The following MYO18B variants were observed in gnomAD, a reference collection of about 807,000 sequenced individuals.
The protein encoded by MYO18B is myosin XVIIIB, also known as unconventional myosin-XVIIIb.
In MYO18B, 204 loss-of-function variants were observed where a neutral mutation model predicts 273.0. The observed-to-expected ratio is 0.75, with a 90% CI of 0.67 to 0.84. The LOEUF (loss-of-function observed/expected upper bound fraction) is 0.84, where lower values mean the gene tolerates loss of function less well. Ranked by LOEUF, MYO18B falls within the 40% of genes least tolerant of loss-of-function variation. The pLI is 0.00. For missense variants in MYO18B, 3,212 were observed against 3,287.6 expected (o/e 0.98, Z 0.56); for synonymous variants, 1,330 against 1,305.7 (o/e 1.02, Z -0.40).
At chr22:25,839,925 C>T (rs914256178) in intron 17 of MYO18B, among the ~76,000 whole-genome samples, 28 of 152,286 alleles carry the variant, frequency 1.8e-4, no homozygotes, top group South Asian at 2.1e-4. Context: ...TGGGCTGTGG[C>T]GAGGATGGAG....
intron 36 of MYO18B, among the ~76,000 whole-genome samples, chr22:25,949,545 T>C (rs2092767398): frequency 6.6e-6 from 1 of 152,224 alleles, no homozygotes; most frequent in Non-Finnish European, 1.5e-5. Flanking sequence ...GTAAAATACC[T>C]GCCACGCTCT....
rs12158464 is a variant in MYO18B, at chr22:26,000,988, G to T, written c.6288-2277G>T. 3.9e-3 allele frequency among the ~76,000 whole-genome samples: 588 copies of T among 152,242 alleles called. 5 individuals carry two copies. The highest frequency in any genetic ancestry group is 0.013 in the African/African-American group (560 of 41,548). ...TCTTTTTTATTTGTCCTTGTGGCTA[G>T]TTCTTTTCCAGATCAGAAGCTTAGG... On this transcript the variant is annotated intron_variant, in intron 40 of 43. Transcript: ENST00000335473.
chr22:25,768,870 G>A lies in MYO18B; in HGVS notation c.954G>A (p.Trp318Ter). ...GGCCCCAAATCCCTGGGAGAAAGTG[G>A]GGAGGTTTCCTGGGAAGAAGGAGTA... ...HVRPQIPGRK[W>*]GGFLGRRSKW... Residue 318 changes from tryptophan to a stop codon, truncating the protein, a stop_gained, in exon 4 of 44, where the codon TGG becomes TGA. Coordinates refer to ENST00000335473, the MANE Select transcript of MYO18B (RefSeq NM_032608.7). LOFTEE classifies it high-confidence loss of function. The A allele has an allele frequency of 6.2e-7, 1 of 1,613,132 alleles. No homozygotes were observed. The highest frequency in any genetic ancestry group is 8.5e-7 in the Non-Finnish European group (1 of 1,179,536).
intron 29 of MYO18B, 102 bp from the exon 30 acceptor site, chr22:25,902,511 T>C (rs887794974): frequency 3.8e-6 from 5 of 1,325,968 alleles, no homozygotes; most frequent in African/African-American, 1.5e-5. Flanking sequence ...TAATGGTTCT[T>C]GGGAAACTAG....
At chr22:25,863,134 C>T (rs554392631) in intron 21 of MYO18B, among the ~76,000 whole-genome samples, 10 of 152,252 alleles carry the variant, frequency 6.6e-5, no homozygotes, top group Admixed American at 6.5e-4. Context: ...AGTTAATTTA[C>T]TTTTCAAATG....
intron 39 of MYO18B, among the ~76,000 whole-genome samples, chr22:25,990,814 G>A (rs377513251): frequency 6.7e-6 from 1 of 149,042 alleles, no homozygotes; most frequent in Non-Finnish European, 1.5e-5. Context: ...GCTGGGAATT[G>A]CGCTTTGACC....
the MYO18B span, among the ~76,000 whole-genome samples, chr22:26,045,074 GT>G: frequency 0.03 from 4,460 of 147,312 alleles, 203 homozygotes; most frequent in African/African-American, 0.1. Flanking sequence ...TTGGTTTTTG[GT>G]TTTTTTTTTG....
intron 21 of MYO18B, among the ~76,000 whole-genome samples, chr22:25,852,125 A>G (rs996653358): frequency 6.6e-6 from 1 of 152,310 alleles, no homozygotes; most frequent in African/African-American, 2.4e-5. Flanking sequence ...CAAAATGTTT[A>G]GGAAATATTT....
chr22:25,872,863 C>T (rs927703199), intron 22 of MYO18B, among the ~76,000 whole-genome samples: 6 of 152,140 alleles, frequency 3.9e-5, no homozygotes, highest in Non-Finnish European at 5.9e-5. Flanking sequence ...CCAGTGTCTC[C>T]AGATAACCGC....
At chr22:25,905,668 T>C (rs936539608) in intron 31 of MYO18B, among the ~76,000 whole-genome samples, 1 of 152,194 alleles carries the variant, frequency 6.6e-6, no homozygotes, top group Non-Finnish European at 1.5e-5. Context: ...GGAGCTGTAA[T>C]ACGGGGTCTT....
intron 25 of MYO18B, among the ~76,000 whole-genome samples, chr22:25,882,862 A>T (rs899392250): frequency 1.3e-5 from 2 of 152,244 alleles, no homozygotes; most frequent in South Asian, 4.2e-4. Flanking sequence ...CCTTATATTC[A>T]TGAGGTCATT....
intron 1 of MYO18B, among the ~76,000 whole-genome samples, chr22:25,744,642 G>A (rs2085724071): frequency 6.6e-6 from 1 of 152,174 alleles, no homozygotes; most frequent in African/African-American, 2.4e-5. Flanking sequence ...GCTGAGGCAG[G>A]AGAATGGCAT....
At chr22:25,960,340 T>A (rs2092904627) in intron 39 of MYO18B, among the ~76,000 whole-genome samples, 1 of 152,144 alleles carries the variant, frequency 6.6e-6, no homozygotes, top group Non-Finnish European at 1.5e-5. Context: ...ACCACCCTGG[T>A]CCCAAGACTG....
At chr22:25,898,077 C>T (rs1441458730) in intron 28 of MYO18B, 1 of 511,314 alleles carries the variant, frequency 2.0e-6, no homozygotes, top group Non-Finnish European at 3.4e-6. Context: ...TAAAATCAAC[C>T]TTAAGAGATT....
At chr22:25,755,204 T>C (rs1296911475) in intron 1 of MYO18B, among the ~76,000 whole-genome samples, 1 of 151,900 alleles carries the variant, frequency 6.6e-6, no homozygotes. Context: ...TTAAATTAAA[T>C]TTTATTTTAT....
rs760678784 is a variant in MYO18B, at chr22:25,828,861, G to A, written c.2872G>A (p.Asp958Asn). 20 of 1,613,944 alleles carry A rather than the reference G, an allele frequency of 1.2e-5. No homozygotes were observed. The highest frequency in any genetic ancestry group is 1.7e-5 in the Non-Finnish European group (20 of 1,179,894). Residue 958 changes from aspartate (D) to asparagine (N), a missense_variant, in exon 15 of 44, where the codon GAC becomes AAC. Transcript: ENST00000335473. ...GFQNPRHQGK[D>N]RAATFEELCH... ...CCAGAACCCCCGGCACCAGGGCAAGGACCGGGCGGCCACCTTTGAGGAGCT... is the reference window on the plus strand; with the variant it reads ...CCAGAACCCCCGGCACCAGGGCAAGAACCGGGCGGCCACCTTTGAGGAGCT...
intron 20 of MYO18B, among the ~76,000 whole-genome samples, chr22:25,850,367 C>T (rs920822280): frequency 1.1e-4 from 17 of 152,048 alleles, no homozygotes; most frequent in African/African-American, 2.9e-4. Context: ...GGCTACTCTC[C>T]GCTGCCTGGG....
In MYO18B at chr22:25,997,302, C is replaced by T. The variant is rs1210726144; in HGVS notation, c.6287+4809C>T. Among the ~76,000 whole-genome samples, 5 of 23,484 alleles carry T rather than the reference C, an allele frequency of 2.1e-4. No homozygotes were observed. The African/African-American group carries it at 2.8e-3, about 13-fold the overall frequency. The allele number at this position is 23,484 out of a possible 152,430, so 15.4% of individuals were successfully genotyped here. Reference sequence around the variant, plus strand: ...CCTGGGCAACAGAGTGAAACTCTGTCGCCAAAAAAAAAAAAAAAAAAAAAA... The same window carrying T: ...CCTGGGCAACAGAGTGAAACTCTGTTGCCAAAAAAAAAAAAAAAAAAAAAA... On this transcript the variant is annotated intron_variant, in intron 40 of 43. Coordinates refer to ENST00000335473, the MANE Select transcript of MYO18B (RefSeq NM_032608.7).
intron 40 of MYO18B, among the ~76,000 whole-genome samples, chr22:26,000,114 T>TG (rs1443047947): frequency 6.6e-6 from 1 of 152,204 alleles, no homozygotes; most frequent in Non-Finnish European, 1.5e-5. Flanking sequence ...AAACAATGAA[T>TG]GGACACCTTA....
Sources: gnomAD v4.1 joint callset for allele counts (sites outside exome capture counted in the v4.1 genomes callset) on GRCh38, gnomAD v4.1.1 for gene constraint, MANE v1.5 for transcripts, NCBI Gene and HGNC (gene_info 2026-07-23, HGNC 2026-07-21) for gene names.